Variants in BNC2 observed in about 807,000 individuals in gnomAD.
The protein encoded by BNC2 is basonuclin zinc finger protein 2.
BNC2 carries 20 observed loss-of-function variants against 76.3 expected under a neutral mutation model. The observed-to-expected ratio is 0.26, with a 90% CI of 0.18 to 0.38. BNC2 has a LOEUF of 0.38. BNC2 is among the 10% of genes least tolerant of loss of function. The pLI is 1.00. For synonymous variants in BNC2, 582 were observed against 514.8 expected (o/e 1.13, Z -1.77); for missense variants, 1,382 against 1,399.8 (o/e 0.99, Z 0.20).
At chr9:16,456,743 C>T (rs572333552) in intron 5 of BNC2, among the ~76,000 whole-genome samples, 1 of 152,228 alleles carries the variant, frequency 6.6e-6, no homozygotes, top group Non-Finnish European at 1.5e-5. Context: ...ACATGAAAAA[C>T]TCTAGCAAAT....
chr9:16,782,200 G>A (rs1423088791), intron 1 of BNC2, among the ~76,000 whole-genome samples: 3 of 152,006 alleles, frequency 2.0e-5, no homozygotes, highest in Non-Finnish European at 2.9e-5. Flanking sequence ...CAGAAGAATT[G>A]CTGGGACCCA....
In BNC2 at chr9:16,462,289, T is replaced by C. The variant is rs566101366; in HGVS notation, c.670-24765A>G. Among the ~76,000 whole-genome samples the C allele has an allele frequency of 7.9e-5, 12 of 152,288 alleles. No individual in the cohort carries two copies. In the East Asian group the frequency reaches 1.7e-3, roughly 22 times the overall value. On this transcript the variant is annotated intron_variant, in intron 5 of 6. Transcript: ENST00000380672. ...CCGACATCAATTCAATTTGGCTTTA[T>C]TGTAAGAATTAATAAAGTGATACAT...
At chr9:16,450,543 C>T (rs1173798475) in intron 5 of BNC2, among the ~76,000 whole-genome samples, 1 of 152,240 alleles carries the variant, frequency 6.6e-6, no homozygotes, top group Non-Finnish European at 1.5e-5. Flanking sequence ...CCACACCAAT[C>T]TGAAGGATAG....
intron 1 of BNC2, among the ~76,000 whole-genome samples, chr9:16,795,049 C>T (rs372848858): frequency 6.6e-6 from 1 of 152,322 alleles, no homozygotes; most frequent in East Asian, 1.9e-4. Context: ...ACTCACTATC[C>T]AGTCCAACTC....
At chr9:16,806,524 G>A (rs902266366) in intron 1 of BNC2, among the ~76,000 whole-genome samples, 4 of 152,128 alleles carry the variant, frequency 2.6e-5, no homozygotes, top group Non-Finnish European at 5.9e-5. Flanking sequence ...CAATAATCCT[G>A]GGAAATTACG....
intron 5 of BNC2, among the ~76,000 whole-genome samples, chr9:16,445,414 C>T (rs184181712): frequency 1.1e-3 from 161 of 152,160 alleles, no homozygotes; most frequent in Non-Finnish European, 8.4e-4. Flanking sequence ...CCAGCTGGAA[C>T]AACTGTAATA....
At chr9:16,496,869 G>A (rs1476837935) in intron 5 of BNC2, among the ~76,000 whole-genome samples, 1 of 152,180 alleles carries the variant, frequency 6.6e-6, no homozygotes, top group Non-Finnish European at 1.5e-5. Context: ...CTGTTTATAG[G>A]GCTAGGATCT....
chr9:16,855,785 T>G (rs1395902970), intron 1 of BNC2, among the ~76,000 whole-genome samples: 2 of 151,804 alleles, frequency 1.3e-5, no homozygotes, highest in Non-Finnish European at 2.9e-5. Flanking sequence ...CCTGACCCCA[T>G]GATCTGCCTG....
intron 1 of BNC2, among the ~76,000 whole-genome samples, chr9:16,806,154 A>G (rs1407521556): frequency 6.6e-6 from 1 of 152,186 alleles, no homozygotes. Context: ...AAGCTTTAAC[A>G]GGGGGTGATA....
chr9:16,741,490 G>T (rs1824849212), intron 1 of BNC2, among the ~76,000 whole-genome samples: 2 of 151,816 alleles, frequency 1.3e-5, no homozygotes, highest in Admixed American at 1.3e-4. Flanking sequence ...AGTAAGAAAT[G>T]AGTAACAGAA....
At chr9:16,795,684 T>A (rs926023963) in intron 1 of BNC2, among the ~76,000 whole-genome samples, 11 of 152,166 alleles carry the variant, frequency 7.2e-5, no homozygotes, top group Non-Finnish European at 1.2e-4. Context: ...TCTTATCCTT[T>A]GAAGTAAGAC....
intron 1 of BNC2, among the ~76,000 whole-genome samples, chr9:16,800,379 C>A (rs1817751800): frequency 6.6e-6 from 1 of 152,076 alleles, no homozygotes; most frequent in African/African-American, 2.4e-5. Context: ...TAGTATATAA[C>A]CAAGGAGCAC....
chr9:16,740,431 G>A (rs1824807867), intron 1 of BNC2, among the ~76,000 whole-genome samples: 1 of 152,270 alleles, frequency 6.6e-6, no homozygotes, highest in East Asian at 1.9e-4. Flanking sequence ...GTCAATGAGT[G>A]TTCAACATAA....
intron 1 of BNC2, among the ~76,000 whole-genome samples, chr9:16,764,057 T>C (rs550032036): frequency 5.9e-4 from 90 of 152,324 alleles, no homozygotes; most frequent in African/African-American, 2.1e-3. Context: ...AGAGCTGGGA[T>C]TGGTTCCTAA....
intron 4 of BNC2, among the ~76,000 whole-genome samples, chr9:16,568,867 T>G (rs1207617614): frequency 6.6e-6 from 1 of 152,146 alleles, no homozygotes; most frequent in African/African-American, 2.4e-5. Flanking sequence ...ATTCACTACT[T>G]CTGGGGGAAA....
chr9:16,852,317 G>C (rs1369280540), intron 1 of BNC2, among the ~76,000 whole-genome samples: 1 of 152,104 alleles, frequency 6.6e-6, no homozygotes, highest in African/African-American at 2.4e-5. Context: ...CATACCCCTT[G>C]AAGTGTTTAC....
At position 16,663,130 on chromosome 9, in the gene BNC2, C is replaced by CTTTTTTTTTTTTTTTTTTTTTT. The variant is rs71325979; in HGVS notation, c.330+64666_330+64667insAAAAAAAAAAAAAAAAAAAAAA. Among the ~76,000 whole-genome samples, 13 of 99,608 alleles carry CTTTTTTTTTTTTTTTTTTTTTT rather than the reference C, an allele frequency of 1.3e-4. 2 individuals carry two copies. Among genetic ancestry groups the CTTTTTTTTTTTTTTTTTTTTTT allele is most frequent in the African/African-American group, 2.1e-4 (6 of 27,944 alleles). The allele number at this position is 99,608 out of a possible 152,430, so 65.3% of individuals were successfully genotyped here. A position where few individuals can be genotyped will look rare whatever the true frequency, so the allele number is the denominator to read the frequency against. Reference sequence around the variant, plus strand: ...CCATAGGCACTCCACTCTGTTTACTCTTTTTTTTTTTTTTTTGGAGACGGA... The same window carrying CTTTTTTTTTTTTTTTTTTTTTT: ...CCATAGGCACTCCACTCTGTTTACTCTTTTTTTTTTTTTTTTTTTTTTTTTTTTTTTTTTTTTTGGAGACGGA... On this transcript the variant is annotated intron_variant, in intron 3 of 6. Coordinates refer to ENST00000380672, the MANE Select transcript of BNC2 (RefSeq NM_017637.6).
At chr9:16,836,718 G>A (rs371997954) in intron 1 of BNC2, among the ~76,000 whole-genome samples, 7 of 151,916 alleles carry the variant, frequency 4.6e-5, no homozygotes, top group African/African-American at 1.5e-4. Flanking sequence ...TACAAAGACT[G>A]GGACTAACAA....
chr9:16,763,604 T>A (rs1411473231), intron 1 of BNC2, among the ~76,000 whole-genome samples: 1 of 151,968 alleles, frequency 6.6e-6, no homozygotes, highest in Non-Finnish European at 1.5e-5. Context: ...CACCTTCAGA[T>A]GATAGTGATT....
Sources: gnomAD v4.1 joint callset for allele counts (sites outside exome capture counted in the v4.1 genomes callset) on GRCh38, gnomAD v4.1.1 for gene constraint, MANE v1.5 for transcripts, NCBI Gene and HGNC (gene_info 2026-07-23, HGNC 2026-07-21) for gene names.